SRRM4: variants seen among roughly 807,000 people sequenced by gnomAD.
SRRM4 encodes the protein serine/arginine repetitive matrix protein 4.
Under a neutral mutation model 68.9 loss-of-function variants are expected in SRRM4, and 33 were observed. The ratio of observed to expected loss-of-function variants is 0.48; its 90% confidence interval spans 0.36 to 0.64. The LOEUF (loss-of-function observed/expected upper bound fraction) is 0.64. Ranked by LOEUF, SRRM4 falls within the 30% of genes least tolerant of loss-of-function variation. SRRM4 has a pLI of 0.00. For synonymous variants in SRRM4, 318 were observed against 318.8 expected, an observed-to-expected ratio of 1.00 and a Z score of 0.03; for missense variants, 817 against 827.1, an observed-to-expected ratio of 0.99 and a Z score of 0.15.
chr12:118,981,688 G>A lies in SRRM4; in HGVS notation c.-195G>A. 1 of 605,112 alleles carries A rather than the reference G, an allele frequency of 1.7e-6. No individual in the cohort carries two copies. Among genetic ancestry groups the A allele is most frequent in the South Asian group, 2.2e-5 (1 of 45,154 alleles). The allele number at this position is 605,112 out of a possible 1,614,324, so 37.5% of individuals were successfully genotyped here. On this transcript the variant is annotated 5_prime_UTR_variant, in exon 1 of 13. Transcript: ENST00000267260. ...CCCAGAAGGGCGAAGAAAGCCCAGCGGACGAGCCTCCTTTCTCTGCTGCCT... is the reference window on the plus strand; with the variant it reads ...CCCAGAAGGGCGAAGAAAGCCCAGCAGACGAGCCTCCTTTCTCTGCTGCCT...
intron 1 of SRRM4, among the ~76,000 whole-genome samples, chr12:119,028,172 A>G (rs372376127): frequency 3.3e-5 from 5 of 152,316 alleles, no homozygotes; most frequent in South Asian, 4.1e-4. Context: ...TATTTGTTCT[A>G]GGGAATCACA....
intron 8 of SRRM4, among the ~76,000 whole-genome samples, chr12:119,140,384 A>AG: frequency 6.6e-6 from 1 of 151,836 alleles, no homozygotes; most frequent in Non-Finnish European, 1.5e-5. Flanking sequence ...TCTCAAAAAA[A>AG]AAAAAAAAAT....
intron 9 of SRRM4, among the ~76,000 whole-genome samples, chr12:119,147,712 ATTTT>A (rs1263047782): frequency 1.3e-5 from 2 of 152,328 alleles, no homozygotes; most frequent in South Asian, 4.2e-4. Context: ...AGATTTCTCC[ATTTT>A]TTTACCCATC....
chr12:119,071,760 G>A (rs546998894), intron 1 of SRRM4, among the ~76,000 whole-genome samples: 1 of 152,280 alleles, frequency 6.6e-6, no homozygotes, highest in East Asian at 1.9e-4. Context: ...TGGCAGCTGT[G>A]AGATTCATCA....
intron 1 of SRRM4, among the ~76,000 whole-genome samples, chr12:119,018,359 T>C (rs1953494436): frequency 6.6e-6 from 1 of 152,164 alleles, no homozygotes; most frequent in South Asian, 2.1e-4. Flanking sequence ...TGAGGGGAAT[T>C]AGTATGAAAC....
intron 1 of SRRM4, among the ~76,000 whole-genome samples, chr12:119,056,497 CTT>C (rs917687284): frequency 6.6e-6 from 1 of 152,218 alleles, no homozygotes; most frequent in Non-Finnish European, 1.5e-5. Context: ...CTTGGAATCT[CTT>C]TGCTGTGACC....
At chr12:119,089,253 CG>C (rs1238861904) in intron 1 of SRRM4, among the ~76,000 whole-genome samples, 1 of 152,144 alleles carries the variant, frequency 6.6e-6, no homozygotes, top group Non-Finnish European at 1.5e-5. Flanking sequence ...TTTGGAGCCA[CG>C]GGGAACCCAC....
At chr12:119,153,744 C>T in intron 11 of SRRM4, 95 bp downstream of exon 11, 1 of 910,874 alleles carries the variant, frequency 1.1e-6, no homozygotes, top group Non-Finnish European at 1.7e-6. Context: ...CTCGGGCCTT[C>T]TTCCTCTTAG....
At chr12:119,153,823 A>T (rs1477431563) in intron 11 of SRRM4, among the ~76,000 whole-genome samples, 174 bp downstream of exon 11, 1 of 151,302 alleles carries the variant, frequency 6.6e-6, no homozygotes, top group Non-Finnish European at 1.5e-5. Context: ...GGCATCAAAT[A>T]CCCTTGTTTC....
chr12:119,099,067 C>A (rs992335080), intron 1 of SRRM4, among the ~76,000 whole-genome samples: 1 of 152,092 alleles, frequency 6.6e-6, no homozygotes, highest in Non-Finnish European at 1.5e-5. Context: ...AAAGGTCTTC[C>A]CATGACCTGA....
intron 1 of SRRM4, among the ~76,000 whole-genome samples, chr12:119,065,310 A>G (rs191518139): frequency 3.9e-4 from 60 of 152,332 alleles, no homozygotes; most frequent in Admixed American, 1.1e-3. Flanking sequence ...GACAGCTCCA[A>G]GTGAGTCAGA....
At chr12:119,049,175 C>T (rs546877050) in intron 1 of SRRM4, among the ~76,000 whole-genome samples, 6 of 152,238 alleles carry the variant, frequency 3.9e-5, no homozygotes, top group East Asian at 1.9e-4. Context: ...ATAGGAAAAG[C>T]GTGGCATTGG....
chr12:119,101,203 A>G (rs1315062137), intron 1 of SRRM4, among the ~76,000 whole-genome samples: 1 of 152,202 alleles, frequency 6.6e-6, no homozygotes, highest in Non-Finnish European at 1.5e-5. Flanking sequence ...GTGAGCAGGG[A>G]GGGATGTTCT....
At chr12:119,150,949 A>T in intron 9 of SRRM4, 68 bp from the exon 10 acceptor site, 1 of 1,442,774 alleles carries the variant, frequency 6.9e-7, no homozygotes, top group South Asian at 1.2e-5. Flanking sequence ...CAAGGTAGGG[A>T]GGTATTCAAA....
chr12:119,078,394 C>A (rs971420013), intron 1 of SRRM4, among the ~76,000 whole-genome samples: 4 of 152,184 alleles, frequency 2.6e-5, no homozygotes, highest in African/African-American at 9.7e-5. Flanking sequence ...GGCAGGATGT[C>A]TGAATGACTG....
intron 1 of SRRM4, among the ~76,000 whole-genome samples, chr12:119,076,690 A>G (rs1953918374): frequency 6.6e-6 from 1 of 152,220 alleles, no homozygotes; most frequent in South Asian, 2.1e-4. Context: ...CAACCACCCC[A>G]AGGAAGTGCA....
intron 7 of SRRM4, among the ~76,000 whole-genome samples, chr12:119,127,024 A>G (rs1181370738): frequency 7.0e-6 from 1 of 143,574 alleles, no homozygotes; most frequent in African/African-American, 2.6e-5. Context: ...ACACATGGAC[A>G]CAGGAAGGGG....
intron 1 of SRRM4, among the ~76,000 whole-genome samples, chr12:119,096,234 G>T (rs1415202239): frequency 6.9e-6 from 1 of 145,654 alleles, no homozygotes; most frequent in African/African-American, 2.5e-5. Context: ...GGGTTTCACT[G>T]TGTTAGCCAG....
At chr12:119,040,346 T>G (rs1953658748) in intron 1 of SRRM4, among the ~76,000 whole-genome samples, 1 of 152,286 alleles carries the variant, frequency 6.6e-6, no homozygotes, top group East Asian at 1.9e-4. Flanking sequence ...ATCCCCTGTG[T>G]CCCTTCCACT....
Sources: allele counts gnomAD v4.1 joint callset (sites outside exome capture counted in the v4.1 genomes callset), GRCh38; gene constraint gnomAD v4.1.1; transcripts MANE v1.5; gene names NCBI Gene and HGNC (gene_info 2026-07-23, HGNC 2026-07-21).